ADGRB3: variants seen among roughly 807,000 people sequenced by gnomAD.
ADGRB3 encodes brain-specific angiogenesis inhibitor 3.
In ADGRB3, 37 loss-of-function variants were observed where a neutral mutation model predicts 193.4. The ratio of observed to expected loss-of-function variants is 0.19; its 90% CI spans 0.15 to 0.25. The LOEUF (loss-of-function observed/expected upper bound fraction) is 0.25. Among genes scored for constraint, ADGRB3 ranks in the 10% least tolerant of loss-of-function variants. ADGRB3 has a pLI of 1.00. For missense variants in ADGRB3, 1,637 were observed against 1,852.9 expected, an observed-to-expected ratio of 0.88 and a Z score of 2.14; for synonymous variants, 690 against 644.2, an observed-to-expected ratio of 1.07 and a Z score of -1.08.
At chr6:68,835,804 T>C (rs902867425) in intron 3 of ADGRB3, among the ~76,000 whole-genome samples, 3 of 152,180 alleles carry the variant, frequency 2.0e-5, no homozygotes, top group Non-Finnish European at 4.4e-5. Context: ...GTTTTTTGCT[T>C]TGATTTTGGT....
At chr6:68,869,531 C>A (rs1027742648) in intron 3 of ADGRB3, among the ~76,000 whole-genome samples, 3 of 152,018 alleles carry the variant, frequency 2.0e-5, no homozygotes, top group South Asian at 2.1e-4. Flanking sequence ...ATAATGCTGA[C>A]AAATTTTAGC....
At position 69,027,221 on chromosome 6, in the gene ADGRB3, GT is replaced by G. The variant is rs201046372; in HGVS notation, c.2107+8732del. 6.2e-5 allele frequency among the ~76,000 whole-genome samples: 9 copies of G among 145,350 alleles called. No homozygotes were observed. The South Asian group carries it at 6.6e-4, about 11-fold the overall frequency. ...TTAATTTTTAAATTTTAGATTTTTA[GT>G]TTTTTTTTTGGTAAACCCAAGACAT... is the stretch of plus-strand genomic sequence containing the variant. On this transcript the variant is annotated intron_variant, in intron 13 of 31. Transcript: ENST00000370598.
intron 17 of ADGRB3, among the ~76,000 whole-genome samples, chr6:69,120,053 G>A (rs981489213): frequency 1.3e-5 from 2 of 152,162 alleles, no homozygotes. Flanking sequence ...GATTTAGAAT[G>A]TATGGAAATA....
intron 13 of ADGRB3, among the ~76,000 whole-genome samples, chr6:69,043,482 C>T (rs771915946): frequency 3.9e-5 from 6 of 152,128 alleles, no homozygotes; most frequent in Non-Finnish European, 8.8e-5. Flanking sequence ...AATATATAAT[C>T]TCATGCCTAG....
At chr6:69,022,079 A>T (rs928587663) in intron 13 of ADGRB3, among the ~76,000 whole-genome samples, 1 of 151,858 alleles carries the variant, frequency 6.6e-6, no homozygotes. Context: ...TATGACATCT[A>T]AAATAAACAC....
At chr6:69,018,561 AC>A (rs1445962848) in intron 13 of ADGRB3, 62 bp downstream of exon 13, 13 of 1,016,504 alleles carry the variant, frequency 1.3e-5, no homozygotes, top group Non-Finnish European at 1.8e-5. Flanking sequence ...AAGTATCTAC[AC>A]CATACGTTTC....
chr6:69,193,619 T>C (rs1765241893), intron 17 of ADGRB3, among the ~76,000 whole-genome samples: 1 of 152,086 alleles, frequency 6.6e-6, no homozygotes, highest in South Asian at 2.1e-4. Flanking sequence ...GGTAGCATCA[T>C]GTGGTAAAAA....
At chr6:68,747,467 T>C (rs1381339930) in intron 3 of ADGRB3, among the ~76,000 whole-genome samples, 2 of 152,214 alleles carry the variant, frequency 1.3e-5, no homozygotes, top group African/African-American at 2.4e-5. Flanking sequence ...ATAGCATGCT[T>C]AATTATTTTT....
chr6:69,201,704 A>G (rs1765420612), intron 17 of ADGRB3, among the ~76,000 whole-genome samples: 1 of 152,076 alleles, frequency 6.6e-6, no homozygotes. Flanking sequence ...ATGGGTCTCA[A>G]TGTTATTAGG....
chr6:68,958,870 AGTGTGTGTG>A (rs1768152849), intron 8 of ADGRB3, among the ~76,000 whole-genome samples: 1 of 147,234 alleles, frequency 6.8e-6, no homozygotes, highest in African/African-American at 2.5e-5. Flanking sequence ...AAAGAAAAAT[AGTGTGTGTG>A]TGTGTGTGTG....
At chr6:69,009,743 A>G (rs1281739367) in intron 11 of ADGRB3, among the ~76,000 whole-genome samples, 3 of 152,038 alleles carry the variant, frequency 2.0e-5, no homozygotes, top group Admixed American at 6.6e-5. Flanking sequence ...CTTCAGATCT[A>G]CCTTACTAAA....
At chr6:68,817,331 A>G (rs1217394575) in intron 3 of ADGRB3, among the ~76,000 whole-genome samples, 2 of 101,822 alleles carry the variant, frequency 2.0e-5, no homozygotes, top group Admixed American at 9.0e-5. Context: ...ATATATATAT[A>G]TATATATATA....
intron 3 of ADGRB3, among the ~76,000 whole-genome samples, chr6:68,800,206 T>G (rs1410637402): frequency 6.6e-6 from 1 of 152,142 alleles, no homozygotes; most frequent in Non-Finnish European, 1.5e-5. Context: ...ATTGATTAGT[T>G]TCAGTGTACA....
At chr6:69,337,254 C>G (rs1246328951) in intron 24 of ADGRB3, among the ~76,000 whole-genome samples, 1 of 152,164 alleles carries the variant, frequency 6.6e-6, no homozygotes, top group Non-Finnish European at 1.5e-5. Flanking sequence ...GAACACCATA[C>G]AGCCTATCTT....
At chr6:68,734,319 G>A (rs1765832172) in intron 3 of ADGRB3, among the ~76,000 whole-genome samples, 1 of 151,968 alleles carries the variant, frequency 6.6e-6, no homozygotes, top group South Asian at 2.1e-4. Flanking sequence ...CTCCCAGGTA[G>A]GGTGAATTTG....
chr6:68,908,242 G>A (rs999389140), intron 3 of ADGRB3, among the ~76,000 whole-genome samples: 6 of 151,842 alleles, frequency 4.0e-5, no homozygotes, highest in Non-Finnish European at 5.9e-5. Flanking sequence ...CAATTCTAAG[G>A]TTTCTTTTTT....
intron 20 of ADGRB3, among the ~76,000 whole-genome samples, chr6:69,253,217 T>C (rs1381036628): frequency 6.6e-6 from 1 of 152,058 alleles, no homozygotes; most frequent in African/African-American, 2.4e-5. Flanking sequence ...AGAGCTTGAG[T>C]TCTCTAACTT....
At chr6:69,148,791 A>T (rs550735857) in intron 17 of ADGRB3, among the ~76,000 whole-genome samples, 1 of 152,204 alleles carries the variant, frequency 6.6e-6, no homozygotes, top group Admixed American at 6.5e-5. Flanking sequence ...TTTGAAGGAT[A>T]TTTTTACCAG....
intron 11 of ADGRB3, among the ~76,000 whole-genome samples, chr6:69,012,625 G>A (rs1411146289): frequency 1.3e-5 from 2 of 152,058 alleles, no homozygotes; most frequent in Non-Finnish European, 2.9e-5. Context: ...GGTTTTTTAA[G>A]AGTTGCATAA....
Sources: gnomAD v4.1 joint callset for allele counts (sites outside exome capture counted in the v4.1 genomes callset) on GRCh38, gnomAD v4.1.1 for gene constraint, MANE v1.5 for transcripts, NCBI Gene and HGNC (gene_info 2026-07-23, HGNC 2026-07-21) for gene names.